Variants in CHRNB3 observed in about 807,000 individuals in gnomAD.
CHRNB3 encodes cholinergic receptor nicotinic beta 3 subunit, also known as neuronal acetylcholine receptor subunit beta-3.
In CHRNB3, 37 loss-of-function variants were observed where a neutral mutation model predicts 40.6. The observed-to-expected ratio is 0.91, with a 90% CI of 0.70 to 1.20. CHRNB3 has a LOEUF of 1.20. CHRNB3 is among the 50% of genes most tolerant of loss of function. The pLI, the probability that CHRNB3 is intolerant of heterozygous loss-of-function variation, is 0.00. For missense variants in CHRNB3, 505 were observed against 551.2 expected (o/e 0.92, Z 0.84); for synonymous variants, 207 against 207.1 (o/e 1.00, Z 0.00).
In CHRNB3 at chr8:42,737,036, G is replaced by T; in HGVS notation, c.*418G>T. The T allele has an allele frequency of 5.5e-6, 1 of 182,498 alleles. No individual in the cohort carries two copies. The highest frequency in any genetic ancestry group is 5.6e-5 in the Admixed American group (1 of 17,834). 11.3% of individuals were successfully genotyped at this position (182,498 alleles called of 1,614,324 possible). On this transcript the variant is annotated 3_prime_UTR_variant, in exon 6 of 6. Coordinates refer to ENST00000289957, the MANE Select transcript of CHRNB3 (RefSeq NM_000749.5). ...GAGCTATCTGTGTGGGCAGAGCCTG[G>T]ATCTCCCACCCTGCACTGGCCTCCT... is the stretch of plus-strand genomic sequence containing the variant.
chr8:42,709,340 C>G (rs1218666773), intron 2 of CHRNB3, among the ~76,000 whole-genome samples: 2 of 152,200 alleles, frequency 1.3e-5, no homozygotes, highest in Non-Finnish European at 2.9e-5. Context: ...CTCTTCTGAA[C>G]TCACCCATGC....
At chr8:42,734,687 G>A (rs1816491225) in intron 5 of CHRNB3, among the ~76,000 whole-genome samples, 1 of 151,598 alleles carries the variant, frequency 6.6e-6, no homozygotes, top group Non-Finnish European at 1.5e-5. Context: ...CCAAAGTGCT[G>A]GGATTACAGG....
Position 42,736,550 on chromosome 8 carries a change from G to A in CHRNB3, c.1309G>A (p.Val437Met). 1 of 1,614,168 alleles carries A rather than the reference G, an allele frequency of 6.2e-7. No individual in the cohort carries two copies. The highest frequency in any genetic ancestry group is 8.5e-7 in the Non-Finnish European group (1 of 1,180,012). ...DRIFLWLFLI[V>M]SVTGSVLIFT... is the part of the protein sequence containing the mutation. Reference sequence around the variant, plus strand: ...AATCTTCCTGTGGCTCTTTCTGATAGTGTCAGTAACAGGCTCGGTTCTGAT... The same window carrying A: ...AATCTTCCTGTGGCTCTTTCTGATAATGTCAGTAACAGGCTCGGTTCTGAT... Residue 437 changes from valine to methionine, a missense_variant, in exon 6 of 6, where the codon GTG (valine) becomes ATG (methionine). Physicochemically the swap from Val to Met is conservative, Grantham distance 21. Coordinates refer to ENST00000289957, the MANE Select transcript of CHRNB3 (RefSeq NM_000749.5).
At chr8:42,719,042 G>A (rs994849438) in intron 3 of CHRNB3, among the ~76,000 whole-genome samples, 1 of 152,074 alleles carries the variant, frequency 6.6e-6, no homozygotes, top group Non-Finnish European at 1.5e-5. Context: ...GGTGTTTGAC[G>A]ACGGCTTTGA....
At chr8:42,701,646 C>A (rs1475865840) in intron 1 of CHRNB3, among the ~76,000 whole-genome samples, 3 of 152,198 alleles carry the variant, frequency 2.0e-5, no homozygotes, top group African/African-American at 7.2e-5. Flanking sequence ...CAATATCTTT[C>A]ATGATTTCAT....
intron 3 of CHRNB3, among the ~76,000 whole-genome samples, chr8:42,720,511 T>G (rs559803787): frequency 1.3e-5 from 2 of 152,248 alleles, no homozygotes; most frequent in South Asian, 4.1e-4. Context: ...ATACCCAAAC[T>G]GTCTCCTTTA....
At chr8:42,725,860 G>C in intron 3 of CHRNB3, 1 of 812,312 alleles carries the variant, frequency 1.2e-6, no homozygotes, top group African/African-American at 1.7e-5. Flanking sequence ...GTTCTGGGGG[G>C]TGACTTTTAC....
At chr8:42,698,424 T>C (rs1586388059) in intron 1 of CHRNB3, among the ~76,000 whole-genome samples, 1 of 152,204 alleles carries the variant, frequency 6.6e-6, no homozygotes, top group African/African-American at 2.4e-5. Context: ...CAATTTGTAT[T>C]AATTTCTCAG....
intron 1 of CHRNB3, chr8:42,699,263 A>G (rs1186331550): frequency 1.1e-4 from 17 of 152,114 alleles, no homozygotes; most frequent in Admixed American, 1.0e-3. Context: ...TCATATTGCT[A>G]TTTCATATTT....
chr8:42,712,940 C>T (rs1389423817), intron 3 of CHRNB3, among the ~76,000 whole-genome samples: 4 of 147,566 alleles, frequency 2.7e-5, no homozygotes, highest in Non-Finnish European at 5.9e-5. Flanking sequence ...CAGCTCGCTG[C>T]AGCCTCTGCC....
Position 42,730,632 on chromosome 8 carries a change from T to G in CHRNB3, c.288T>G (p.Asp96Glu). The change falls in exon 4 of 6, where the codon GAT becomes GAG. Residue 96 changes from aspartate to glutamate, a missense_variant. Coordinates refer to ENST00000289957, the MANE Select transcript of CHRNB3 (RefSeq NM_000749.5). ...TDHKLRWNPD[D>E]YGGIHSIKVP... ...ACAAGTTACGCTGGAATCCTGATGA[T>G]TATGGTGGGATCCATTCCATTAAAG... 6.2e-7 allele frequency: 1 copy of G among 1,609,002 alleles called. No individual in the cohort carries two copies. Among genetic ancestry groups the G allele is most frequent in the Non-Finnish European group, 8.5e-7 (1 of 1,177,008 alleles).
Position 42,703,435 on chromosome 8 carries a change from A to AAAAAAAATATATATATATATATATAT in CHRNB3, c.53-5281_53-5280insAAAAAATATATATATATATATATATA. ...CAAGACTTCGTCTAAAAAAAAAAAAAATATTTATATATATATATATATATA... is the reference window on the plus strand; with the variant it reads ...CAAGACTTCGTCTAAAAAAAAAAAAAAAAAAAATATATATATATATATATATATATTTATATATATATATATATATA... On this transcript the variant is annotated intron_variant, in intron 1 of 5. Transcript: ENST00000289957. Among the ~76,000 whole-genome samples, 45 of 47,372 alleles carry AAAAAAAATATATATATATATATATAT rather than the reference A, an allele frequency of 9.5e-4. 5 individuals carry two copies. Among genetic ancestry groups the AAAAAAAATATATATATATATATATAT allele is most frequent in the East Asian group, 3.4e-3 (3 of 878 alleles). 31.1% of individuals were successfully genotyped at this position (47,372 alleles called of 152,430 possible).
At chr8:42,701,226 CA>C (rs58800727) in intron 1 of CHRNB3, among the ~76,000 whole-genome samples, 30,393 of 70,934 alleles carry the variant, frequency 0.43, 6,105 homozygotes, top group African/African-American at 0.66. Context: ...GACTCTGTCT[CA>C]AAAAAAAAAA....
At chr8:42,701,765 G>C (rs1424407738) in intron 1 of CHRNB3, among the ~76,000 whole-genome samples, 1 of 152,168 alleles carries the variant, frequency 6.6e-6, no homozygotes, top group South Asian at 2.1e-4. Flanking sequence ...AGCAGCTTGA[G>C]TGAAGGGCTG....
At chr8:42,711,659 T>G (rs1186876119) in intron 3 of CHRNB3, among the ~76,000 whole-genome samples, 1 of 152,112 alleles carries the variant, frequency 6.6e-6, no homozygotes, top group African/African-American at 2.4e-5. Flanking sequence ...CCTCCCAAAG[T>G]GCTGGGATTA....
chr8:42,718,584 A>C (rs1249046873), intron 3 of CHRNB3, among the ~76,000 whole-genome samples: 2 of 149,694 alleles, frequency 1.3e-5, no homozygotes, highest in Admixed American at 6.8e-5. Context: ...GAGGCAGGAG[A>C]ATGGCGTGAA....
intron 3 of CHRNB3, 75 bp from the exon 4 acceptor site, chr8:42,730,519 A>C (rs1316239689): frequency 8.6e-6 from 8 of 930,912 alleles, no homozygotes; most frequent in Non-Finnish European, 1.3e-5. Context: ...GGTAAAGCTA[A>C]CAGAAACTTG....
At position 42,708,905 on chromosome 8, in the gene CHRNB3, C is replaced by T; in HGVS notation, c.204+37C>T. 13 of 1,587,582 alleles carry T rather than the reference C, an allele frequency of 8.2e-6. 1 individual carries two copies. Among genetic ancestry groups the T allele is most frequent in the Non-Finnish European group, 1.1e-5 (13 of 1,162,882 alleles). Reference sequence around the variant, plus strand: ...TTGGCACTTGGCTAAAAAGAACATGCATTCCTTAACCTGTTTATGAGTCTA... The same window carrying T: ...TTGGCACTTGGCTAAAAAGAACATGTATTCCTTAACCTGTTTATGAGTCTA... On this transcript the variant is annotated intron_variant, in intron 2 of 5. Coordinates refer to ENST00000289957, the MANE Select transcript of CHRNB3 (RefSeq NM_000749.5).
chr8:42,721,406 G>C (rs1042634435), intron 3 of CHRNB3, among the ~76,000 whole-genome samples: 1 of 152,056 alleles, frequency 6.6e-6, no homozygotes, highest in East Asian at 1.9e-4. Flanking sequence ...GAAGCAGGAT[G>C]TCTACATCAA....
Sources: gnomAD v4.1 joint callset for allele counts (sites outside exome capture counted in the v4.1 genomes callset) on GRCh38, gnomAD v4.1.1 for gene constraint, MANE v1.5 for transcripts, NCBI Gene and HGNC (gene_info 2026-07-23, HGNC 2026-07-21) for gene names.